Variants in DENND1A observed in about 807,000 individuals in gnomAD.
DENND1A encodes the protein DENN domain containing 1A.
In DENND1A, 51 loss-of-function variants were observed where a neutral mutation model predicts 113.7. The observed-to-expected ratio is 0.45, with a 90% CI of 0.36 to 0.57. The LOEUF is 0.57. DENND1A is among the 20% of genes least tolerant of loss of function. The pLI, the probability that DENND1A is intolerant of heterozygous loss-of-function variation, is 0.00. For synonymous variants in DENND1A, 565 were observed against 570.8 expected (o/e 0.99, Z 0.14); for missense variants, 1,258 against 1,395.9 (o/e 0.90, Z 1.57).
At chr9:123,818,285 T>C (rs1242976761) in intron 2 of DENND1A, among the ~76,000 whole-genome samples, 1 of 151,766 alleles carries the variant, frequency 6.6e-6, no homozygotes. Flanking sequence ...TTTGTATTTT[T>C]AGTACAGACG....
At chr9:123,726,581 T>C (rs2067725482) in intron 5 of DENND1A, among the ~76,000 whole-genome samples, 1 of 152,216 alleles carries the variant, frequency 6.6e-6, no homozygotes. Context: ...GAGGAGCCTC[T>C]GGCTTTTACC....
chr9:123,635,806 G>A (rs1156323063), intron 9 of DENND1A, among the ~76,000 whole-genome samples: 2 of 152,198 alleles, frequency 1.3e-5, no homozygotes, highest in African/African-American at 4.8e-5. Flanking sequence ...TGGCTTGAAA[G>A]TGTTGGAAAG....
chr9:123,497,842 A>G (rs1231389277), intron 13 of DENND1A, among the ~76,000 whole-genome samples: 2 of 150,798 alleles, frequency 1.3e-5, no homozygotes, highest in Non-Finnish European at 2.9e-5. Flanking sequence ...GAAAAAATCT[A>G]TCATTCTACT....
intron 11 of DENND1A, among the ~76,000 whole-genome samples, chr9:123,588,438 G>T (rs945054910): frequency 1.3e-5 from 2 of 151,494 alleles, no homozygotes; most frequent in African/African-American, 2.4e-5. Flanking sequence ...GGACAACATG[G>T]CGAAACCCTG....
chr9:123,684,727 T>C (rs73577293), intron 5 of DENND1A, among the ~76,000 whole-genome samples: 1 of 152,346 alleles, frequency 6.6e-6, no homozygotes, highest in African/African-American at 2.4e-5. Context: ...TGATTCATTT[T>C]TCAAATGTTC....
chr9:123,440,582 T>C (rs1384021641), intron 18 of DENND1A, 91 bp from the exon 19 acceptor site: 2 of 1,429,944 alleles, frequency 1.4e-6, no homozygotes, highest in Non-Finnish European at 1.8e-6. Context: ...GCCAGGCGAC[T>C]CTCTCCGTGA....
chr9:123,466,937 G>A (rs1009267716), intron 13 of DENND1A, among the ~76,000 whole-genome samples: 3 of 151,480 alleles, frequency 2.0e-5, no homozygotes, highest in Non-Finnish European at 4.4e-5. Context: ...TGTCATGCCA[G>A]CTACTCAGGA....
chr9:123,468,881 C>A (rs1461880404), intron 13 of DENND1A, among the ~76,000 whole-genome samples: 1 of 152,222 alleles, frequency 6.6e-6, no homozygotes, highest in Admixed American at 6.5e-5. Flanking sequence ...CCTTCACTCA[C>A]CAAATCCTCG....
At chr9:123,470,291 C>T (rs2049294702) in intron 13 of DENND1A, among the ~76,000 whole-genome samples, 2 of 151,876 alleles carry the variant, frequency 1.3e-5, no homozygotes, top group Non-Finnish European at 2.9e-5. Context: ...CAGCTCTCTC[C>T]CTAGCACAGA....
intron 2 of DENND1A, among the ~76,000 whole-genome samples, chr9:123,823,100 C>T (rs778766348): frequency 1.3e-5 from 2 of 152,100 alleles, no homozygotes; most frequent in South Asian, 4.2e-4. Context: ...GTGCTAAACT[C>T]GGGAACAACT....
At chr9:123,651,724 GT>G (rs879257946) in intron 9 of DENND1A, among the ~76,000 whole-genome samples, 7 of 152,154 alleles carry the variant, frequency 4.6e-5, no homozygotes, top group Non-Finnish European at 1.0e-4. Flanking sequence ...ATGAAATATG[GT>G]GTAGACATTA....
At chr9:123,567,931 T>G (rs2058143111) in intron 12 of DENND1A, among the ~76,000 whole-genome samples, 1 of 152,212 alleles carries the variant, frequency 6.6e-6, no homozygotes, top group Non-Finnish European at 1.5e-5. Flanking sequence ...AGTAGGTTGC[T>G]TGGGGCACTT....
intron 4 of DENND1A, chr9:123,759,278 G>A (rs1205698778): frequency 6.6e-6 from 1 of 152,322 alleles, no homozygotes; most frequent in African/African-American, 2.4e-5. Context: ...GTAGACAAAT[G>A]TATAGGCTCA....
At chr9:123,785,403 T>C (rs917384181) in intron 3 of DENND1A, among the ~76,000 whole-genome samples, 1 of 152,038 alleles carries the variant, frequency 6.6e-6, no homozygotes, top group Non-Finnish European at 1.5e-5. Flanking sequence ...CAGCAAACAC[T>C]TTAAAAAGCA....
At position 123,440,401 on chromosome 9, in the gene DENND1A, G is replaced by T. The variant is rs1175436759; in HGVS notation, c.1447C>A (p.Leu483Ile). ...GTGATTGGCCGCCGGTCTTCTCGGA[G>T]CTTGGGGTCCTTGGCCTCCACCAGT... ...SPLVEAKDPK[L>I]REDRRPITVH... The change falls in exon 19 of 24, where the codon CTC (leucine) becomes ATC (isoleucine). Residue 483 changes from leucine to isoleucine, a missense_variant. Physicochemically the swap from Leu to Ile is conservative, Grantham distance 5 (BLOSUM62 2). Around this residue, in one of 2 missense-constraint regions of DENND1A, gnomAD observed 1,159 missense variants for 1,231.7 expected, o/e 0.94. Transcript: ENST00000394215. The T allele has an allele frequency of 6.2e-7, 1 of 1,600,252 alleles. No homozygotes were observed. The highest frequency in any genetic ancestry group is 8.5e-7 in the Non-Finnish European group (1 of 1,174,666).
intron 19 of DENND1A, among the ~76,000 whole-genome samples, chr9:123,439,470 T>C (rs1377304160): frequency 6.6e-6 from 1 of 152,230 alleles, no homozygotes; most frequent in African/African-American, 2.4e-5. Flanking sequence ...AAAGGTCTGT[T>C]TAAAACAGGA....
chr9:123,746,639 T>C (rs1234373201), intron 5 of DENND1A, among the ~76,000 whole-genome samples: 2 of 152,292 alleles, frequency 1.3e-5, no homozygotes, highest in Admixed American at 1.3e-4. Flanking sequence ...GAATTTTGGA[T>C]GTTCAGATTA....
intron 13 of DENND1A, among the ~76,000 whole-genome samples, chr9:123,535,369 C>G (rs1356140613): frequency 3.3e-5 from 5 of 152,132 alleles, no homozygotes; most frequent in Non-Finnish European, 7.4e-5. Flanking sequence ...TCGCTTGAGT[C>G]CAGGAGTTTG....
intron 13 of DENND1A, among the ~76,000 whole-genome samples, chr9:123,488,836 G>C (rs1016681088): frequency 1.3e-5 from 2 of 152,150 alleles, no homozygotes; most frequent in African/African-American, 4.8e-5. Flanking sequence ...GCACCTTTGC[G>C]TGGTGCCTGC....
Sources: gnomAD v4.1 joint callset for allele counts (sites outside exome capture counted in the v4.1 genomes callset) on GRCh38, gnomAD v4.1.1 for gene constraint, gnomAD v4.1.1 regional missense constraint, MANE v1.5 for transcripts, NCBI Gene and HGNC (gene_info 2026-07-23, HGNC 2026-07-21) for gene names.